KDM4C: variants seen among roughly 807,000 people sequenced by gnomAD.
KDM4C encodes the protein lysine demethylase 4C, also known as lysine-specific demethylase 4C.
A neutral mutation model predicts 129.3 loss-of-function variants in KDM4C; 81 were observed. The ratio of observed to expected loss-of-function variants is 0.63; its 90% CI spans 0.52 to 0.75. KDM4C has a LOEUF of 0.75. KDM4C is among the 30% of genes least tolerant of loss of function. The pLI is 0.00. For missense variants in KDM4C, 1,457 were observed against 1,304.0 expected (o/e 1.12, Z -1.81); for synonymous variants, 573 against 456.1 (o/e 1.26, Z -3.26).
intron 15 of KDM4C, among the ~76,000 whole-genome samples, chr9:7,016,476 G>T (rs1823715407): frequency 7.3e-6 from 1 of 137,900 alleles, no homozygotes; most frequent in Non-Finnish European, 1.5e-5. Context: ...GCCCAGGCTG[G>T]AATGCAGTGG....
At chr9:7,076,595 A>C (rs1396538830) in intron 17 of KDM4C, 27 of 1,472,216 alleles carry the variant, frequency 1.8e-5, no homozygotes, top group Non-Finnish European at 2.3e-5. Context: ...CGTGTTTAGG[A>C]TGGGGATACA....
At chr9:7,046,224 G>A (rs1381627561) in intron 15 of KDM4C, among the ~76,000 whole-genome samples, 1 of 151,942 alleles carries the variant, frequency 6.6e-6, no homozygotes, top group Non-Finnish European at 1.5e-5. Flanking sequence ...ACACATAAGA[G>A]TGCTGAAAGG....
In KDM4C at chr9:6,801,876, G is replaced by A. The variant is rs1476971611; in HGVS notation, c.145-3723G>A. On this transcript the variant is annotated intron_variant, in intron 2 of 21. Coordinates refer to ENST00000381309, the MANE Select transcript of KDM4C (RefSeq NM_015061.6). Reference sequence around the variant, plus strand: ...TCCCAGCACTTTGGGAGGCTGAGGCGGGTGGATCACCTGAGGTCAGGAGTT... The same window carrying A: ...TCCCAGCACTTTGGGAGGCTGAGGCAGGTGGATCACCTGAGGTCAGGAGTT... 9.2e-5 allele frequency among the ~76,000 whole-genome samples: 14 copies of A among 152,108 alleles called. No individual in the cohort carries two copies. The East Asian group carries it at 1.9e-3, about 21-fold the overall frequency.
intron 19 of KDM4C, among the ~76,000 whole-genome samples, chr9:7,150,344 A>G (rs1286806100): frequency 6.6e-6 from 1 of 152,214 alleles, no homozygotes; most frequent in Non-Finnish European, 1.5e-5. Context: ...AACTTTGGTT[A>G]ATCTTAAGAG....
intron 15 of KDM4C, among the ~76,000 whole-genome samples, chr9:7,046,276 G>A (rs1291698894): frequency 1.3e-5 from 2 of 151,964 alleles, no homozygotes; most frequent in Admixed American, 1.3e-4. Flanking sequence ...GTTTCTTGGT[G>A]CTGTTTTCTC....
chr9:6,752,203 C>T lies in KDM4C; in HGVS notation c.49+31206C>T, dbSNP rs543548925. On this transcript the variant is annotated intron_variant, in intron 1 of 17. Transcript: ENST00000536108. ...AAAAAATTAGCCGGGCATGGTGGCG[C>T]GCGCCTGTAGTCCCAGCTACACGGG... Among the ~76,000 whole-genome samples the T allele has an allele frequency of 1.5e-3, 231 of 149,988 alleles. 1 individual carries two copies. Among genetic ancestry groups the T allele is most frequent in the African/African-American group, 5.4e-3 (219 of 40,640 alleles).
chr9:6,791,688 A>G (rs968746195), intron 1 of KDM4C, among the ~76,000 whole-genome samples: 1 of 152,178 alleles, frequency 6.6e-6, no homozygotes, highest in African/African-American at 2.4e-5. Flanking sequence ...CAGAACTGGT[A>G]TATAGAAGCA....
intron 18 of KDM4C, among the ~76,000 whole-genome samples, chr9:7,119,791 G>A: frequency 6.6e-6 from 1 of 152,136 alleles, no homozygotes; most frequent in East Asian, 1.9e-4. Flanking sequence ...CAGCCTTCCT[G>A]GGGCATGTGT....
At chr9:6,889,827 G>A (rs188964744) in intron 7 of KDM4C, among the ~76,000 whole-genome samples, 17 of 152,298 alleles carry the variant, frequency 1.1e-4, no homozygotes, top group East Asian at 5.8e-4. Flanking sequence ...CAGGGCTGTG[G>A]GATTGGCTCC....
intron 18 of KDM4C, chr9:7,105,432 G>GA: frequency 2.1e-6 from 1 of 470,886 alleles, no homozygotes; most frequent in Non-Finnish European, 4.4e-6. Flanking sequence ...CTCAAAAAAT[G>GA]AAAGTTGTAT....
At chr9:7,165,115 C>A in intron 19 of KDM4C, 123 bp from the exon 20 acceptor site, 1 of 1,166,310 alleles carries the variant, frequency 8.6e-7, no homozygotes, top group East Asian at 2.4e-5. Flanking sequence ...CATGCGAGAT[C>A]ATAATCCATA....
At chr9:6,772,102 A>C (rs72699639) in intron 1 of KDM4C, among the ~76,000 whole-genome samples, 8,660 of 152,318 alleles carry the variant, frequency 0.057, 249 homozygotes, top group East Asian at 0.12. Flanking sequence ...AAGGATTTAG[A>C]AAGTAAATGA....
At chr9:7,083,885 C>A (rs72703381) in intron 17 of KDM4C, among the ~76,000 whole-genome samples, 201 of 152,032 alleles carry the variant, frequency 1.3e-3, no homozygotes, top group Non-Finnish European at 2.4e-3. Flanking sequence ...AATTCCTCAA[C>A]GGGGATTTTT....
Position 7,051,507 on chromosome 9 carries a change from T to C in KDM4C, c.2424+2307T>C, listed in dbSNP as rs554584499. Reference sequence around the variant, plus strand: ...TGTATGTCGTGTTAAGGGTACACTTTCCTGACATAGGCATTCTTCTGAAGT... The same window carrying C: ...TGTATGTCGTGTTAAGGGTACACTTCCCTGACATAGGCATTCTTCTGAAGT... On this transcript the variant is annotated intron_variant, in intron 17 of 21. Coordinates refer to ENST00000381309, the MANE Select transcript of KDM4C (RefSeq NM_015061.6). Among the ~76,000 whole-genome samples the C allele has an allele frequency of 2.4e-4, 36 of 152,276 alleles. 1 individual carries two copies. Among genetic ancestry groups the C allele is most frequent in the Admixed American group, 2.2e-3 (33 of 15,306 alleles).
At chr9:6,934,223 G>A (rs1446080469) in intron 8 of KDM4C, among the ~76,000 whole-genome samples, 1 of 151,676 alleles carries the variant, frequency 6.6e-6, no homozygotes, top group Non-Finnish European at 1.5e-5. Flanking sequence ...GTCTCACGCC[G>A]GTAATCCTAT....
At chr9:6,964,239 C>G (rs1275658834) in intron 8 of KDM4C, among the ~76,000 whole-genome samples, 4 of 147,578 alleles carry the variant, frequency 2.7e-5, no homozygotes, top group South Asian at 2.3e-4. Flanking sequence ...TCCCTCCCCC[C>G]TCCCCTGACC....
rs184041650 is a variant in KDM4C, at chr9:7,053,048, G to A, written c.2424+3848G>A. ...CTGCTGTCCCTTGGGGCAAGTTAGAGTTTTTCTGAATAAGTAATAAACAAC... is the reference window on the plus strand; with the variant it reads ...CTGCTGTCCCTTGGGGCAAGTTAGAATTTTTCTGAATAAGTAATAAACAAC... On this transcript the variant is annotated intron_variant, in intron 17 of 21. Transcript: ENST00000381309. 8.5e-4 allele frequency among the ~76,000 whole-genome samples: 129 copies of A among 152,206 alleles called. 1 individual carries two copies. Among genetic ancestry groups the A allele is most frequent in the Middle Eastern group, 6.8e-3 (2 of 292 alleles).
chr9:7,091,025 G>C (rs749645009), intron 17 of KDM4C, among the ~76,000 whole-genome samples: 1 of 152,182 alleles, frequency 6.6e-6, no homozygotes, highest in Non-Finnish European at 1.5e-5. Context: ...GCCAGGTTGT[G>C]AAAACACCAT....
At chr9:6,979,722 T>C (rs1589431838) in intron 8 of KDM4C, among the ~76,000 whole-genome samples, 1 of 152,296 alleles carries the variant, frequency 6.6e-6, no homozygotes, top group African/African-American at 2.4e-5. Context: ...AGCCTTGTTA[T>C]GCTAGGATTC....
Sources: allele counts gnomAD v4.1 joint callset (sites outside exome capture counted in the v4.1 genomes callset), GRCh38; gene constraint gnomAD v4.1.1; transcripts MANE v1.5; gene names NCBI Gene and HGNC (gene_info 2026-07-23, HGNC 2026-07-21).